Variants in FRMD5 observed in about 807,000 individuals in gnomAD.
FRMD5 encodes the protein FERM domain containing 5.
Under a neutral mutation model 69.0 loss-of-function variants are expected in FRMD5, and 20 were observed. The observed-to-expected ratio is 0.29, with a 90% CI of 0.20 to 0.42. The LOEUF (loss-of-function observed/expected upper bound fraction) is 0.42, where lower values mean the gene tolerates loss of function less well. Ranked by LOEUF, FRMD5 falls within the 10% of genes least tolerant of loss-of-function variation. The pLI, the probability that FRMD5 is intolerant of heterozygous loss-of-function variation, is 1.00. For missense variants in FRMD5, 595 were observed against 708.6 expected (o/e 0.84, Z 1.82); for synonymous variants, 271 against 260.1 (o/e 1.04, Z -0.40).
rs368912404 is a variant in FRMD5 at position 43,927,090 on chromosome 15, T to C, written c.103-2781A>G. The stretch of plus-strand genomic sequence containing the variant: ...AACCCCAAACCCCACTGAATGACTC[T>C]CTCAAGTATGCCTACGCTCCCTTTT... On this transcript the variant is annotated intron_variant, in intron 1 of 13. Coordinates refer to ENST00000417257, the MANE Select transcript of FRMD5 (RefSeq NM_032892.5). 2.1e-4 allele frequency among the ~76,000 whole-genome samples: 32 copies of C among 152,120 alleles called. No homozygotes were observed. In the East Asian group the frequency reaches 4.1e-3, roughly 19 times the overall value.
chr15:43,956,336 G>T (rs1285754296), intron 1 of FRMD5, among the ~76,000 whole-genome samples: 1 of 152,076 alleles, frequency 6.6e-6, no homozygotes, highest in Non-Finnish European at 1.5e-5. Context: ...CTCAAGTATT[G>T]AAGGTACTAA....
intron 4 of FRMD5, among the ~76,000 whole-genome samples, chr15:43,917,458 T>C (rs2089411931): frequency 6.6e-6 from 1 of 152,124 alleles, no homozygotes; most frequent in Admixed American, 6.5e-5. Context: ...TGCCGCAATC[T>C]TGGCTTACTG....
chr15:44,021,446 A>G (rs2140252238), intron 1 of FRMD5, among the ~76,000 whole-genome samples: 1 of 152,320 alleles, frequency 6.6e-6, no homozygotes, highest in South Asian at 2.1e-4. Flanking sequence ...AACACCTACA[A>G]CTCAATAACC....
intron 1 of FRMD5, among the ~76,000 whole-genome samples, chr15:43,953,216 C>G (rs1488854610): frequency 6.6e-6 from 1 of 152,230 alleles, no homozygotes; most frequent in African/African-American, 2.4e-5. Context: ...GTCTTGGTAT[C>G]TGCTAAAGAG....
intron 1 of FRMD5, among the ~76,000 whole-genome samples, chr15:44,081,527 T>C (rs1383484838): frequency 6.6e-6 from 1 of 152,096 alleles, no homozygotes; most frequent in Non-Finnish European, 1.5e-5. Context: ...TTATATTCTT[T>C]CACACACAAA....
chr15:44,156,543 C>T (rs2077531336), intron 1 of FRMD5, among the ~76,000 whole-genome samples: 1 of 152,150 alleles, frequency 6.6e-6, no homozygotes. Context: ...TTCTAAACAT[C>T]CCTTAAAACA....
At chr15:44,132,788 C>T (rs1029049363) in intron 1 of FRMD5, among the ~76,000 whole-genome samples, 2 of 150,832 alleles carry the variant, frequency 1.3e-5, no homozygotes, top group African/African-American at 2.4e-5. Context: ...GACAGAGTCT[C>T]GCCCTGTTGC....
rs569917889 is a variant in FRMD5, at chr15:44,140,330, A to G, written c.102+54623T>C. Among the ~76,000 whole-genome samples, 9 of 152,244 alleles carry G rather than the reference A, an allele frequency of 5.9e-5. No individual in the cohort carries two copies. The East Asian group carries it at 1.7e-3, about 29-fold the overall frequency. On this transcript the variant is annotated intron_variant, in intron 1 of 13. Transcript: ENST00000417257. ...AGAAAAACTCATAGGGAGGAAATCT[A>G]AATAGATATTATGAAATACTAAAAC...
At chr15:44,197,936 T>C (rs1157105273), upstream of FRMD5, among the ~76,000 whole-genome samples, 3 of 152,170 alleles carry the variant, frequency 2.0e-5, no homozygotes, top group Non-Finnish European at 2.9e-5. Context: ...TTTCGAAGTA[T>C]GGCCATAGTT....
At chr15:44,136,715 A>C (rs565230820) in intron 1 of FRMD5, among the ~76,000 whole-genome samples, 1 of 152,304 alleles carries the variant, frequency 6.6e-6, no homozygotes, top group South Asian at 2.1e-4. Flanking sequence ...AGGGTAACAC[A>C]TGCCATTATA....
At chr15:43,878,915 CTTT>C (rs1286300623) in intron 13 of FRMD5, among the ~76,000 whole-genome samples, 2 of 127,612 alleles carry the variant, frequency 1.6e-5, no homozygotes, top group African/African-American at 5.7e-5. Flanking sequence ...ATAGGCATTT[CTTT>C]TTTTTTTTCT....
At chr15:44,049,460 A>G (rs948356096) in intron 1 of FRMD5, among the ~76,000 whole-genome samples, 4 of 152,242 alleles carry the variant, frequency 2.6e-5, no homozygotes, top group African/African-American at 9.6e-5. Context: ...TATTCCAGCC[A>G]TCAAAAAGTC....
intron 1 of FRMD5, chr15:44,194,737 T>C (rs1408978662): frequency 1.5e-6 from 1 of 650,600 alleles, no homozygotes; most frequent in Non-Finnish European, 2.8e-6. Context: ...ACGCGGAGAC[T>C]CGCCCCGCGG....
At chr15:43,875,538 T>G (rs184044859) in intron 13 of FRMD5, among the ~76,000 whole-genome samples, 45 of 151,612 alleles carry the variant, frequency 3.0e-4, no homozygotes, top group Admixed American at 2.0e-3. Context: ...AATGCAGTGG[T>G]GCAATCTCAG....
At chr15:43,901,775 T>A (rs1024110901) in intron 7 of FRMD5, 1 of 196,424 alleles carries the variant, frequency 5.1e-6, no homozygotes, top group African/African-American at 2.4e-5. Context: ...CAGTGACTTA[T>A]GCCACTGCAG....
intron 1 of FRMD5, among the ~76,000 whole-genome samples, chr15:44,110,366 G>A (rs1297058168): frequency 1.3e-5 from 2 of 152,292 alleles, no homozygotes; most frequent in East Asian, 3.9e-4. Flanking sequence ...CTACGTGCAG[G>A]CTTCTGTGTG....
chr15:43,939,175 T>C (rs945147545), intron 1 of FRMD5, among the ~76,000 whole-genome samples: 2 of 151,970 alleles, frequency 1.3e-5, no homozygotes, highest in Admixed American at 6.6e-5. Flanking sequence ...GCCCAGCCAA[T>C]AGATTTATTT....
At chr15:44,022,387 A>T (rs1891245220) in intron 1 of FRMD5, among the ~76,000 whole-genome samples, 2 of 151,680 alleles carry the variant, frequency 1.3e-5, no homozygotes, top group South Asian at 4.2e-4. Flanking sequence ...CAACATGGTG[A>T]AACACCATCT....
chr15:44,030,718 GGA>G (rs1891642324), intron 1 of FRMD5, among the ~76,000 whole-genome samples: 1 of 124,080 alleles, frequency 8.1e-6, no homozygotes, highest in Non-Finnish European at 2.0e-5. Context: ...AGAAGGTGAA[GGA>G]GGAGGAAGAT....
Sources: allele counts gnomAD v4.1 joint callset (sites outside exome capture counted in the v4.1 genomes callset), GRCh38; gene constraint gnomAD v4.1.1; transcripts MANE v1.5; gene names NCBI Gene and HGNC (gene_info 2026-07-23, HGNC 2026-07-21).